LLPH: variants seen among roughly 807,000 people sequenced by gnomAD.
The protein encoded by LLPH is protein LLP homolog.
LLPH carries 5 observed loss-of-function variants against 13.3 expected under a neutral mutation model. That is an observed-to-expected ratio of 0.38 (90% CI 0.20 to 0.79). The LOEUF (loss-of-function observed/expected upper bound fraction) is 0.79. LLPH is among the 30% of genes least tolerant of loss of function. The pLI is 0.45. For missense variants in LLPH, 129 were observed against 152.1 expected (o/e 0.85, Z 0.80); for synonymous variants, 32 against 44.2 (o/e 0.72, Z 1.09).
At position 66,120,122 on chromosome 12, in the gene LLPH, G is replaced by C. The variant is rs940822156; in HGVS notation, c.*3718C>G. 1.3e-5 allele frequency: 2 copies of C among 152,120 alleles called. No homozygotes were observed. The highest frequency in any genetic ancestry group is 4.8e-5 in the African/African-American group (2 of 41,388). The allele number at this position is 152,120 out of a possible 1,614,324, so 9.4% of individuals were successfully genotyped here. On this transcript the variant is annotated 3_prime_UTR_variant, in exon 3 of 3. Transcript: ENST00000266604. ...GCCTACACCTTCCCCTTTTGGATTGGTCAGCCCATTCCTAATGAAGTGTCA... is the reference window on the plus strand; with the variant it reads ...GCCTACACCTTCCCCTTTTGGATTGCTCAGCCCATTCCTAATGAAGTGTCA...
At chr12:66,126,803 C>T (rs4575321) in intron 2 of LLPH, among the ~76,000 whole-genome samples, 48,125 of 151,666 alleles carry the variant, frequency 0.32, 7,938 homozygotes, top group South Asian at 0.41. Flanking sequence ...TGGTGGCACA[C>T]GCCTGTATTC....
At chr12:66,125,057 G>T (rs2051487735) in intron 2 of LLPH, among the ~76,000 whole-genome samples, 1 of 152,172 alleles carries the variant, frequency 6.6e-6, no homozygotes, top group Admixed American at 6.5e-5. Flanking sequence ...AACAAAGTGA[G>T]ATCCTGTCTC....
rs2051440767 is a variant in LLPH at position 66,118,207 on chromosome 12, T to C, written c.*5633A>G. ...GGAGAAACCTCATCTCTACCAAAAA[T>C]ACAAAATTAGCCGGCCGTGGTGGTG... On this transcript the variant is annotated 3_prime_UTR_variant, in exon 3 of 3. Transcript: ENST00000266604. 1.3e-5 allele frequency: 2 copies of C among 151,934 alleles called. No homozygotes were observed. Among genetic ancestry groups the C allele is most frequent in the African/African-American group, 2.4e-5 (1 of 41,324 alleles). The allele number at this position is 151,934 out of a possible 1,614,324, so 9.4% of individuals were successfully genotyped here. A position where few individuals can be genotyped will look rare whatever the true frequency, so the allele number is the denominator to read the frequency against.
At position 66,117,203 on chromosome 12, in the gene LLPH, A is replaced by C. The variant is rs2136824244; in HGVS notation, c.*6637T>G. 6.6e-6 allele frequency: 1 copy of C among 152,346 alleles called. No individual in the cohort carries two copies. The highest frequency in any genetic ancestry group is 2.4e-5 in the African/African-American group (1 of 41,568). 9.4% of individuals were successfully genotyped at this position (152,346 alleles called of 1,614,324 possible). On this transcript the variant is annotated 3_prime_UTR_variant, in exon 3 of 3. Transcript: ENST00000266604. Reference sequence around the variant, plus strand: ...CCTGAGATAAAAAATATTCAAAAGAAAACTACAGTTGCATCTGTACTGAAC... The same window carrying C: ...CCTGAGATAAAAAATATTCAAAAGACAACTACAGTTGCATCTGTACTGAAC...
At chr12:66,128,811 A>T (rs1176425515) in intron 2 of LLPH, 85 bp downstream of exon 2, 1 of 895,398 alleles carries the variant, frequency 1.1e-6, no homozygotes, top group African/African-American at 1.7e-5. Context: ...ACACCACTGC[A>T]CTCTAGCCTA....
chr12:66,128,083 A>C (rs2051508835), intron 2 of LLPH, among the ~76,000 whole-genome samples: 1 of 152,198 alleles, frequency 6.6e-6, no homozygotes, highest in African/African-American at 2.4e-5. Context: ...TTTTTCTCAC[A>C]GAAGTTGAAG....
At position 66,117,482 on chromosome 12, in the gene LLPH, T is replaced by C. The variant is rs1326405518; in HGVS notation, c.*6358A>G. 1 of 152,250 alleles carries C rather than the reference T, an allele frequency of 6.6e-6. No individual in the cohort carries two copies. The highest frequency in any genetic ancestry group is 1.5e-5 in the Non-Finnish European group (1 of 68,050). The allele number at this position is 152,250 out of a possible 1,614,324, so 9.4% of individuals were successfully genotyped here. On this transcript the variant is annotated 3_prime_UTR_variant, in exon 3 of 3. Coordinates refer to ENST00000266604, the MANE Select transcript of LLPH (RefSeq NM_032338.4). ...ATTACTCACGTGTTTGTGGTGATGC[T>C]GGTGTAAACAAACCTACTGTGCTGT... is the stretch of plus-strand genomic sequence containing the variant.
At chr12:66,130,635 A>C (rs919096146) in intron 1 of LLPH, 70 bp downstream of exon 1, 1 of 152,260 alleles carries the variant, frequency 6.6e-6, no homozygotes, top group Non-Finnish European at 1.5e-5. Flanking sequence ...AAGAAACGAA[A>C]TTCTCCAAGG....
rs34661421 is a variant in LLPH, at chr12:66,118,363, C to CAA, written c.*5475_*5476dup. The CAA allele has an allele frequency of 0.3, 35,273 of 119,308 alleles. 5,277 individuals carry two copies. The highest frequency in any genetic ancestry group is 0.33 in the Middle Eastern group (74 of 226). 7.4% of individuals were successfully genotyped at this position (119,308 alleles called of 1,614,324 possible). A position where few individuals can be genotyped will look rare whatever the true frequency, so the allele number is the denominator to read the frequency against. ...GGGCAACAAGAGTGAAACTCCGTCT[C>CAA]AAAAAAAAAAAAAAAAAATATACAG... On this transcript the variant is annotated 3_prime_UTR_variant, in exon 3 of 3. Coordinates refer to ENST00000266604, the MANE Select transcript of LLPH (RefSeq NM_032338.4).
In LLPH at chr12:66,126,615, T is replaced by C. The variant is rs540671104; in HGVS notation, c.211+2281A>G. Among the ~76,000 whole-genome samples, 8 of 151,862 alleles carry C rather than the reference T, an allele frequency of 5.3e-5. No individual in the cohort carries two copies. In the East Asian group the frequency reaches 1.6e-3, roughly 29 times the overall value. On this transcript the variant is annotated intron_variant, in intron 2 of 2. Coordinates refer to ENST00000266604, the MANE Select transcript of LLPH (RefSeq NM_032338.4). The stretch of plus-strand genomic sequence containing the variant: ...AGTAGACCTTTCTCCAAAAAGATAA[T>C]ACAAATGGTCAATCAGCATATGAAA...
rs1447231540 is a variant in LLPH at position 66,117,552 on chromosome 12, A to C, written c.*6288T>G. 6.6e-6 allele frequency: 1 copy of C among 152,260 alleles called. No homozygotes were observed. Among genetic ancestry groups the C allele is most frequent in the Non-Finnish European group, 1.5e-5 (1 of 68,046 alleles). The allele number at this position is 152,260 out of a possible 1,614,324, so 9.4% of individuals were successfully genotyped here. ...CACATACAATTATGTACAGTTCATA[A>C]TACTTGATAATAATGACTACGGTTT... is the stretch of plus-strand genomic sequence containing the variant. On this transcript the variant is annotated 3_prime_UTR_variant, in exon 3 of 3. Transcript: ENST00000266604.
In LLPH at chr12:66,120,379, C is replaced by T. The variant is rs1034872516; in HGVS notation, c.*3461G>A. On this transcript the variant is annotated 3_prime_UTR_variant, in exon 3 of 3. Coordinates refer to ENST00000266604, the MANE Select transcript of LLPH (RefSeq NM_032338.4). ...TAAGAGTATAGGCTCTAGAGCCACA[C>T]TGCCTAAATTTGAATCCCAGATTTC... 3.1e-4 allele frequency: 47 copies of T among 152,318 alleles called. No individual in the cohort carries two copies. The highest frequency in any genetic ancestry group is 1.0e-3 in the African/African-American group (42 of 41,564). The allele number at this position is 152,318 out of a possible 1,614,324, so 9.4% of individuals were successfully genotyped here.
At chr12:66,126,999 A>T (rs1202900333) in intron 2 of LLPH, among the ~76,000 whole-genome samples, 1 of 152,190 alleles carries the variant, frequency 6.6e-6, no homozygotes, top group Non-Finnish European at 1.5e-5. Flanking sequence ...AGTCATTAGG[A>T]AACTTCAAAT....
intron 2 of LLPH, among the ~76,000 whole-genome samples, chr12:66,124,972 C>CAAT (rs1441300883): frequency 6.6e-6 from 1 of 152,050 alleles, no homozygotes; most frequent in Non-Finnish European, 1.5e-5. Flanking sequence ...GTGGGAGGAT[C>CAAT]ATTTGAGGCC....
At chr12:66,124,404 A>G (rs985388024) in intron 2 of LLPH, among the ~76,000 whole-genome samples, 1 of 152,228 alleles carries the variant, frequency 6.6e-6, no homozygotes, top group African/African-American at 2.4e-5. Context: ...CTAAATTATA[A>G]TGAACTGAGA....
chr12:66,120,493 A>C lies in LLPH; in HGVS notation c.*3347T>G, dbSNP rs923465903. 2.0e-5 allele frequency: 3 copies of C among 152,226 alleles called. No homozygotes were observed. Among genetic ancestry groups the C allele is most frequent in the Non-Finnish European group, 4.4e-5 (3 of 68,038 alleles). The allele number at this position is 152,226 out of a possible 1,614,324, so 9.4% of individuals were successfully genotyped here. ...CCAAACTCAGATAACATTAGTACCA[A>C]ACTCATGAGATTGCTGGGCAGATTA... is the stretch of plus-strand genomic sequence containing the variant. On this transcript the variant is annotated 3_prime_UTR_variant, in exon 3 of 3. Coordinates refer to ENST00000266604, the MANE Select transcript of LLPH (RefSeq NM_032338.4).
chr12:66,118,130 G>T lies in LLPH; in HGVS notation c.*5710C>A, dbSNP rs1390367134. Reference sequence around the variant, plus strand: ...TGTAATCGCAGCACTTTGGGAGGCTGAGGCAGGTGGATCACCTGAGGTCAG... The same window carrying T: ...TGTAATCGCAGCACTTTGGGAGGCTTAGGCAGGTGGATCACCTGAGGTCAG... On this transcript the variant is annotated 3_prime_UTR_variant, in exon 3 of 3. Transcript: ENST00000266604. 2 of 152,282 alleles carry T rather than the reference G, an allele frequency of 1.3e-5. No individual in the cohort carries two copies. The highest frequency in any genetic ancestry group is 4.8e-5 in the African/African-American group (2 of 41,444). 9.4% of individuals were successfully genotyped at this position (152,282 alleles called of 1,614,324 possible). A position where few individuals can be genotyped will look rare whatever the true frequency, so the allele number is the denominator to read the frequency against.
Position 66,123,592 on chromosome 12 carries a change from A to G in LLPH, c.*248T>C. 1 of 495,486 alleles carries G rather than the reference A, an allele frequency of 2.0e-6. No individual in the cohort carries two copies. The highest frequency in any genetic ancestry group is 3.6e-6 in the Non-Finnish European group (1 of 280,636). 30.7% of individuals were successfully genotyped at this position (495,486 alleles called of 1,614,324 possible). On this transcript the variant is annotated 3_prime_UTR_variant, in exon 3 of 3. Transcript: ENST00000266604. ...CCTGACAGAACGTTGAGGCCTGATT[A>G]TAACTGGATATTGGGTAGCATCCAG...
rs1821865194 is a variant in LLPH at position 66,119,696 on chromosome 12, T to C, written c.*4144A>G. 1 of 152,238 alleles carries C rather than the reference T, an allele frequency of 6.6e-6. No homozygotes were observed. The highest frequency in any genetic ancestry group is 1.5e-5 in the Non-Finnish European group (1 of 68,036). 9.4% of individuals were successfully genotyped at this position (152,238 alleles called of 1,614,324 possible). The stretch of plus-strand genomic sequence containing the variant: ...CAGCTTAGCATCTGCATTTCTATTG[T>C]AGTATTTATAAATTTGGCAATGCCT... On this transcript the variant is annotated 3_prime_UTR_variant, in exon 3 of 3. Coordinates refer to ENST00000266604, the MANE Select transcript of LLPH (RefSeq NM_032338.4).
Sources: gnomAD v4.1 joint callset for allele counts (sites outside exome capture counted in the v4.1 genomes callset) on GRCh38, gnomAD v4.1.1 for gene constraint, MANE v1.5 for transcripts, NCBI Gene and HGNC (gene_info 2026-07-23, HGNC 2026-07-21) for gene names.